The following PRDM12 variants were observed in gnomAD, a reference collection of about 807,000 sequenced individuals.
The protein encoded by PRDM12 is PR/SET domain 12, also known as PR domain zinc finger protein 12.
A neutral mutation model predicts 29.6 loss-of-function variants in PRDM12; 17 were observed. The observed-to-expected ratio is 0.57, with a 90% CI of 0.39 to 0.86. The LOEUF (loss-of-function observed/expected upper bound fraction) is 0.86, where lower values mean the gene tolerates loss of function less well. PRDM12 is among the 40% of genes least tolerant of loss of function. PRDM12 has a pLI of 0.00. For missense variants in PRDM12, 422 were observed against 510.8 expected, an observed-to-expected ratio of 0.83 and a Z score of 1.68; for synonymous variants, 231 against 225.8, an observed-to-expected ratio of 1.02 and a Z score of -0.21.
At chr9:130,669,328 AAAAT>A (rs1193931892) in intron 3 of PRDM12, among the ~76,000 whole-genome samples, 13 of 151,956 alleles carry the variant, frequency 8.6e-5, no homozygotes, top group African/African-American at 2.7e-4. Flanking sequence ...CTGCATCTCA[AAAAT>A]AAATAAATAA....
intron 3 of PRDM12, among the ~76,000 whole-genome samples, chr9:130,669,129 C>A (rs1201622285): frequency 2.0e-5 from 3 of 151,940 alleles, no homozygotes; most frequent in Admixed American, 6.6e-5. Context: ...AGATCGAGAC[C>A]ATCCTGGCTA....
intron 3 of PRDM12, among the ~76,000 whole-genome samples, chr9:130,674,493 TG>T (rs1271231268): frequency 0.03 from 26 of 856 alleles, no homozygotes; most frequent in African/African-American, 0.081. Flanking sequence ...AAAGATAATT[TG>T]TGTGTGTGTG....
intron 3 of PRDM12, among the ~76,000 whole-genome samples, chr9:130,671,553 T>C (rs890934570): frequency 6.6e-6 from 1 of 152,188 alleles, no homozygotes; most frequent in Non-Finnish European, 1.5e-5. Flanking sequence ...ACTTTTAAAG[T>C]GGATACATTT....
rs1023741424 is a variant in PRDM12, at chr9:130,682,845, G to A, written c.*1176G>A. ...AACTGCGTTCTACTTCCAGAAGATG[G>A]TCACTTTAACCTTGTAAATATTTAT... On this transcript the variant is annotated 3_prime_UTR_variant, in exon 5 of 5. Coordinates refer to ENST00000253008, the MANE Select transcript of PRDM12 (RefSeq NM_021619.3). This position sits in a 1 kb window ranked among gnomAD's most constrained non-coding sequence, Gnocchi z 4.2. 1 of 152,600 alleles carries A rather than the reference G, an allele frequency of 6.6e-6. No individual in the cohort carries two copies. Among genetic ancestry groups the A allele is most frequent in the South Asian group, 2.1e-4 (1 of 4,834 alleles). 9.5% of individuals were successfully genotyped at this position (152,600 alleles called of 1,614,324 possible). A position where few individuals can be genotyped will look rare whatever the true frequency, so the allele number is the denominator to read the frequency against.
intron 3 of PRDM12, among the ~76,000 whole-genome samples, chr9:130,677,077 C>T (rs935130863): frequency 5.3e-5 from 8 of 152,242 alleles, no homozygotes; most frequent in Non-Finnish European, 1.2e-4. Context: ...GCATGCGCCA[C>T]CGCGCCTGGC....
At chr9:130,677,957 C>A (rs904854362) in intron 3 of PRDM12, among the ~76,000 whole-genome samples, 3 of 152,160 alleles carry the variant, frequency 2.0e-5, no homozygotes, top group Non-Finnish European at 4.4e-5. Context: ...GTTCATCCAT[C>A]CGAATGCTTC....
chr9:130,673,043 G>A (rs1489458449), intron 3 of PRDM12, among the ~76,000 whole-genome samples: 1 of 152,170 alleles, frequency 6.6e-6, no homozygotes. Context: ...TGTGGTACAG[G>A]ACTCAGTTCC....
At chr9:130,667,460 G>A (rs1348904788) in intron 2 of PRDM12, among the ~76,000 whole-genome samples, 1 of 152,100 alleles carries the variant, frequency 6.6e-6, no homozygotes, top group Non-Finnish European at 1.5e-5. Flanking sequence ...TTTGCAGAAC[G>A]GGAAACCCAC....
rs372165561 is a variant in PRDM12 at position 130,672,524 on chromosome 9, G to A, written c.570+4211G>A. ...AAAAAATAGAATCTGCTCAGCCCTC[G>A]GGGTGCTGCTCTCTGTTACTATCCT... On this transcript the variant is annotated intron_variant, in intron 3 of 4. Transcript: ENST00000253008. Among the ~76,000 whole-genome samples the A allele has an allele frequency of 1.1e-4, 16 of 152,262 alleles. No individual in the cohort carries two copies. In the East Asian group the frequency reaches 2.3e-3, roughly 22 times the overall value.
rs1209413545 is a variant in PRDM12, at chr9:130,668,374, T to C, written c.570+61T>C. On this transcript the variant is annotated intron_variant, in intron 3 of 4. Coordinates refer to ENST00000253008, the MANE Select transcript of PRDM12 (RefSeq NM_021619.3). The surrounding 1 kb of genome is among the most constrained non-coding windows in gnomAD (Gnocchi z 4.0). ...AGCCGGTAAACCCGGCGGGGGGAGG[T>C]GTGCAGGGCAGCGGTGTCCAGGAAC... is the stretch of plus-strand genomic sequence containing the variant. 6.2e-7 allele frequency: 1 copy of C among 1,601,096 alleles called. No homozygotes were observed. The highest frequency in any genetic ancestry group is 8.5e-7 in the Non-Finnish European group (1 of 1,171,732).
chr9:130,666,583 G>C, intron 1 of PRDM12, 25 bp from the exon 2 acceptor site: 17 of 1,595,778 alleles, frequency 1.1e-5, no homozygotes, highest in Non-Finnish European at 1.4e-5. Flanking sequence ...GGCTCTGACC[G>C]GTTTTCCTGG....
intron 2 of PRDM12, among the ~76,000 whole-genome samples, chr9:130,667,543 G>A (rs573704069): frequency 4.2e-4 from 62 of 147,986 alleles, no homozygotes; most frequent in African/African-American, 1.4e-3. Context: ...TCCCCCCGGC[G>A]GACCCTGGAG....
intron 4 of PRDM12, among the ~76,000 whole-genome samples, chr9:130,680,626 AAAAAAAAAATATAT>A (rs1180280073): frequency 4.6e-5 from 3 of 65,492 alleles, no homozygotes; most frequent in African/African-American, 7.9e-5. Context: ...CTCCGTCTAA[AAAAAAAAAATATAT>A]ATATATATAT....
chr9:130,666,902 C>A, intron 2 of PRDM12, 104 bp downstream of exon 2: 2 of 1,426,216 alleles, frequency 1.4e-6, no homozygotes, highest in Non-Finnish European at 1.9e-6. Context: ...GGGCTGAGAG[C>A]GGCGGACACT....
chr9:130,680,659 A>ATATATATATATATATT, intron 4 of PRDM12, among the ~76,000 whole-genome samples: 70 of 72,136 alleles, frequency 9.7e-4, no homozygotes, highest in East Asian at 1.9e-3. Context: ...ATATATATAT[A>ATATATATATATATATT]TTTTTTTTTT....
At chr9:130,680,642 T>A (rs1390119090) in intron 4 of PRDM12, among the ~76,000 whole-genome samples, 1 of 78,814 alleles carries the variant, frequency 1.3e-5, no homozygotes, top group Non-Finnish European at 2.3e-5. Flanking sequence ...AAAATATATA[T>A]ATATATATAT....
At chr9:130,676,722 G>A (rs114816316) in intron 3 of PRDM12, among the ~76,000 whole-genome samples, 15,968 of 152,028 alleles carry the variant, frequency 0.11, 1,020 homozygotes, top group African/African-American at 0.17. Flanking sequence ...CTGGGACTGC[G>A]ATTCATGTTT....
In PRDM12 at chr9:130,681,260, C is replaced by T. The variant is rs1830897637; in HGVS notation, c.695C>T (p.Pro232Leu). 1.4e-6 allele frequency: 2 copies of T among 1,468,760 alleles called. No homozygotes were observed. The highest frequency in any genetic ancestry group is 2.9e-5 in the African/African-American group (2 of 69,568). The allele number at this position is 1,468,760 out of a possible 1,614,324, so 91.0% of individuals were successfully genotyped here. A position where few individuals can be genotyped will look rare whatever the true frequency, so the allele number is the denominator to read the frequency against. ...QKKNKHEDFH[P>L]ADSAAGPAGR... ...GCCCCGCGGCCAGAGGACTTCCACC[C>T]GGCGGACTCGGCGGCTGGCCCCGCG... Residue 232 changes from proline (P) to leucine (L), a missense_variant, in exon 5 of 5, where the codon CCG (proline) becomes CTG (leucine). This residue lies in a region of PRDM12 where 300 missense variants were observed against 350.0 expected (regional missense o/e 0.86). Coordinates refer to ENST00000253008, the MANE Select transcript of PRDM12 (RefSeq NM_021619.3). The surrounding 1 kb of genome is among the most constrained non-coding windows in gnomAD (Gnocchi z 8.1).
chr9:130,674,524 G>GTA (rs1003515567), intron 3 of PRDM12, among the ~76,000 whole-genome samples: 9 of 151,894 alleles, frequency 5.9e-5, no homozygotes, highest in African/African-American at 2.2e-4. Flanking sequence ...GTGTGTGTGT[G>GTA]TGTGTGTGTA....
Sources: gnomAD v4.1 joint callset for allele counts (sites outside exome capture counted in the v4.1 genomes callset) on GRCh38, gnomAD v4.1.1 for gene constraint, gnomAD v4.1.1 regional missense constraint, Gnocchi (gnomAD v3.1) non-coding constraint, MANE v1.5 for transcripts, NCBI Gene and HGNC (gene_info 2026-07-23, HGNC 2026-07-21) for gene names.